The following ZNF8 variants were observed in gnomAD, a reference collection of about 807,000 sequenced individuals.
ZNF8 encodes the protein zinc finger protein 272.
ZNF8 carries 9 observed loss-of-function variants against 12.2 expected under a neutral mutation model. That is an observed-to-expected ratio of 0.73 (90% confidence interval 0.44 to 1.28). The LOEUF is 1.28. ZNF8 is among the 50% of genes most tolerant of loss of function. The probability of loss-of-function intolerance (pLI) is 0.00; values close to 1 mark genes in which losing one functional copy is unlikely to be tolerated. For synonymous variants in ZNF8, 274 were observed against 282.3 expected (o/e 0.97, Z 0.30); for missense variants, 664 against 729.1 (o/e 0.91, Z 1.03).
chr19:58,295,819 CG>C lies in ZNF8; in HGVS notation c.*285del. The C allele has an allele frequency of 2.9e-6, 1 of 350,858 alleles. No homozygotes were observed. Among genetic ancestry groups the C allele is most frequent in the Non-Finnish European group, 5.2e-6 (1 of 194,066 alleles). 21.7% of individuals were successfully genotyped at this position (350,858 alleles called of 1,614,324 possible). ...TGTAATGTCAAAAAAAATCAATATG[CG>C]GCCCCATTTTGTAAAGGATCATTAA... On this transcript the variant is annotated 3_prime_UTR_variant, in exon 4 of 4. Coordinates refer to ENST00000621650, the MANE Select transcript of ZNF8 (RefSeq NM_021089.3).
At chr19:58,291,156 G>A (rs1056174527) in intron 3 of ZNF8, among the ~76,000 whole-genome samples, 3 of 152,206 alleles carry the variant, frequency 2.0e-5, no homozygotes, top group Admixed American at 2.0e-4. Context: ...CCTGTCACTC[G>A]TCTGGCATCA....
At chr19:58,293,061 G>A (rs1206713134) in intron 3 of ZNF8, among the ~76,000 whole-genome samples, 5 of 151,666 alleles carry the variant, frequency 3.3e-5, no homozygotes, top group African/African-American at 1.2e-4. Context: ...CGATTCTCAT[G>A]CCTTAGGCTC....
chr19:58,288,241 C>T (rs1280954808), intron 3 of ZNF8, among the ~76,000 whole-genome samples: 4 of 151,894 alleles, frequency 2.6e-5, no homozygotes, highest in Non-Finnish European at 5.9e-5. Context: ...CTATAAATAC[C>T]CTAAAACCAG....
In ZNF8 at chr19:58,282,788, C is replaced by T. The variant is rs755562007; in HGVS notation, c.67-2929C>T. Among the ~76,000 whole-genome samples, 4 of 151,388 alleles carry T rather than the reference C, an allele frequency of 2.6e-5. No homozygotes were observed. The South Asian group carries it at 6.3e-4, about 24-fold the overall frequency. On this transcript the variant is annotated intron_variant, in intron 1 of 3. Transcript: ENST00000621650. ...GACTACAGGAGCACGCTGCCACGCCCGGCTAATTTTTGATATTTTAGTAGA... is the reference window on the plus strand; with the variant it reads ...GACTACAGGAGCACGCTGCCACGCCTGGCTAATTTTTGATATTTTAGTAGA...
Position 58,295,405 on chromosome 19 carries a change from C to T in ZNF8, c.1597C>T (p.Pro533Ser), listed in dbSNP as rs2057757698. Residue 533 changes from proline (P) to serine (S), a missense_variant, in exon 4 of 4, where the codon CCG (proline) becomes TCG (serine). By Grantham distance (74) the Pro-to-Ser change is moderately conservative (BLOSUM62 -1). This residue lies in a region of ZNF8 where 225 missense variants were observed against 222.0 expected (regional missense o/e 1.01). Coordinates refer to ENST00000621650, the MANE Select transcript of ZNF8 (RefSeq NM_021089.3). Reference protein sequence around the residue: ...SSAGGAKAGQPESRALALFDI... With the variant: ...SSAGGAKAGQSESRALALFDI... ...TGCAGGCGGAGCAAAGGCAGGGCAG[C>T]CGGAAAGCAGAGCCCTGGCTTTGTT... 6.2e-7 allele frequency: 1 copy of T among 1,614,106 alleles called. No homozygotes were observed. The highest frequency in any genetic ancestry group is 8.5e-7 in the Non-Finnish European group (1 of 1,180,008).
intron 1 of ZNF8, among the ~76,000 whole-genome samples, chr19:58,285,383 T>C (rs2051376900): frequency 6.6e-6 from 1 of 152,212 alleles, no homozygotes; most frequent in Admixed American, 6.5e-5. Flanking sequence ...CAGTATCTGT[T>C]TTACTTAAAA....
At chr19:58,285,626 G>C (rs1415671008) in intron 1 of ZNF8, 91 bp from the exon 2 acceptor site, 1 of 1,590,160 alleles carries the variant, frequency 6.3e-7, no homozygotes, top group Non-Finnish European at 8.6e-7. Flanking sequence ...CGTGACACAG[G>C]CCTGCCTGTT....
Position 58,299,116 on chromosome 19 carries a change from A to ATT in ZNF8, c.*3593_*3594dup, listed in dbSNP as rs58919160. On this transcript the variant is annotated 3_prime_UTR_variant, in exon 4 of 4. Transcript: ENST00000621650. ...AGCCAATGCACCCTGCCAAACAGCA[A>ATT]TTTTTTTTTTTTTTGAGACAGAGTC... The ATT allele has an allele frequency of 2.9e-3, 419 of 143,160 alleles. 1 individual carries two copies. Among genetic ancestry groups the ATT allele is most frequent in the African/African-American group, 9.8e-3 (384 of 39,252 alleles). 8.9% of individuals were successfully genotyped at this position (143,160 alleles called of 1,614,324 possible).
At chr19:58,288,948 A>G (rs1477095016) in intron 3 of ZNF8, among the ~76,000 whole-genome samples, 1 of 152,206 alleles carries the variant, frequency 6.6e-6, no homozygotes, top group African/African-American at 2.4e-5. Flanking sequence ...GTCTTATGCC[A>G]TAACCAAATC....
Position 58,294,154 on chromosome 19 carries a change from G to A in ZNF8, c.346G>A (p.Glu116Lys). 1.2e-6 allele frequency: 2 copies of A among 1,613,548 alleles called. No homozygotes were observed. Among genetic ancestry groups the A allele is most frequent in the South Asian group, 2.2e-5 (2 of 91,078 alleles). ...ACGCAAGGAAGAGGGCCTGCCTGAA[G>A]AGGAGCCATCCCATGTCACGGGAAG... ...ASRKEEGLPEEEPSHVTGREG... is the reference protein window; with the variant it reads ...ASRKEEGLPEKEPSHVTGREG... The change falls in exon 4 of 4, where the codon GAG (glutamate) becomes AAG (lysine). Residue 116 changes from glutamate to lysine, a missense_variant. By Grantham distance (56) the Glu-to-Lys change is moderately conservative (BLOSUM62 1). Coordinates refer to ENST00000621650, the MANE Select transcript of ZNF8 (RefSeq NM_021089.3). The surrounding 1 kb of genome is among the most constrained non-coding windows in gnomAD (Gnocchi z 5.5).
rs1265220534 is a variant in ZNF8, at chr19:58,288,040, AATAGAG to A, written c.289+1838_289+1843del. 3.5e-4 allele frequency among the ~76,000 whole-genome samples: 41 copies of A among 116,846 alleles called. No individual in the cohort carries two copies. The East Asian group carries it at 9.6e-3, about 27-fold the overall frequency. 76.7% of individuals were successfully genotyped at this position (116,846 alleles called of 152,430 possible). Reference sequence around the variant, plus strand: ...TGTGTGTCCTTTTTTTTTTTTTTTTAATAGAGATGAGATCTTTCTACACTGCCCAGG... The same window carrying A: ...TGTGTGTCCTTTTTTTTTTTTTTTTAATGAGATCTTTCTACACTGCCCAGG... On this transcript the variant is annotated intron_variant, in intron 3 of 3. Coordinates refer to ENST00000621650, the MANE Select transcript of ZNF8 (RefSeq NM_021089.3).
intron 1 of ZNF8, among the ~76,000 whole-genome samples, chr19:58,284,716 G>A (rs893099813): frequency 2.0e-5 from 3 of 152,142 alleles, no homozygotes; most frequent in Admixed American, 6.5e-5. Context: ...GGGCGTGGTG[G>A]TGCGCTCCTG....
At chr19:58,289,797 A>G (rs1461226648) in intron 3 of ZNF8, among the ~76,000 whole-genome samples, 5 of 151,260 alleles carry the variant, frequency 3.3e-5, no homozygotes, top group African/African-American at 1.2e-4. Flanking sequence ...TCCCATTTCA[A>G]GATTCTTTTT....
At chr19:58,279,199 G>C (rs573009024) in intron 1 of ZNF8, 52 bp downstream of exon 1, 2 of 1,540,996 alleles carry the variant, frequency 1.3e-6, no homozygotes, top group African/African-American at 2.7e-5. Context: ...AGCGTCTCCC[G>C]CGCAGACTGA....
At position 58,294,750 on chromosome 19, in the gene ZNF8, G is replaced by A. The variant is rs780159958; in HGVS notation, c.942G>A (p.Lys314=). The A allele has an allele frequency of 3.1e-6, 5 of 1,613,992 alleles. No homozygotes were observed. In the African/African-American group the frequency reaches 5.3e-5, roughly 17 times the overall value. ...TCCACACTGGAGACAAGCCCTACAA[G>A]TGTGCCGAATGTGGGAAGTCTTTCT... The part of the protein sequence containing the change: ...ERIHTGDKPY[K]CAECGKSFCH... Residue 314 remains lysine, a synonymous_variant, in exon 4 of 4, where the codon AAG becomes AAA. Transcript: ENST00000621650. The surrounding 1 kb of genome is among the most constrained non-coding windows in gnomAD (Gnocchi z 5.5).
In ZNF8 at chr19:58,302,212, C is replaced by G. The variant is rs543850427; in HGVS notation, c.*6676C>G. On this transcript the variant is annotated 3_prime_UTR_variant, in exon 4 of 4. Transcript: ENST00000621650. ...ACTCCTCCGTGGAAATTACTGTTAA[C>G]TAGGGAAAAGACATGTTTTTTTCTG... 6.6e-6 allele frequency: 1 copy of G among 151,958 alleles called. No homozygotes were observed. 9.4% of individuals were successfully genotyped at this position (151,958 alleles called of 1,614,324 possible).
At chr19:58,287,078 C>T (rs546079067) in intron 3 of ZNF8, among the ~76,000 whole-genome samples, 81 of 152,174 alleles carry the variant, frequency 5.3e-4, no homozygotes, top group Non-Finnish European at 9.8e-4. Context: ...CTCACTCTAT[C>T]GCCTAGGCTG....
chr19:58,279,398 C>T (rs940222403), intron 1 of ZNF8: 34 of 1,444,834 alleles, frequency 2.4e-5, no homozygotes, highest in African/African-American at 1.9e-4. Context: ...GGGCTGGGGT[C>T]GGTCATTCCC....
chr19:58,280,970 TG>T (rs1364486971), intron 1 of ZNF8, among the ~76,000 whole-genome samples: 2 of 152,238 alleles, frequency 1.3e-5, no homozygotes, highest in African/African-American at 4.8e-5. Flanking sequence ...AGGGCCCACC[TG>T]GATAATCCAG....
Sources: allele counts gnomAD v4.1 joint callset (sites outside exome capture counted in the v4.1 genomes callset), GRCh38; gene constraint gnomAD v4.1.1; regional missense constraint gnomAD v4.1.1; non-coding constraint Gnocchi (gnomAD v3.1); transcripts MANE v1.5; gene names NCBI Gene and HGNC (gene_info 2026-07-23, HGNC 2026-07-21).